Variants in PAPPA2 observed in about 807,000 individuals in gnomAD.
PAPPA2 encodes pappalysin 2.
In PAPPA2, 86 loss-of-function variants were observed where a neutral mutation model predicts 176.4. The ratio of observed to expected loss-of-function variants is 0.49; its 90% CI spans 0.41 to 0.58. The LOEUF is 0.58. PAPPA2 is among the 20% of genes least tolerant of loss of function. The probability of loss-of-function intolerance (pLI) is 0.00; values close to 1 mark genes in which losing one functional copy is unlikely to be tolerated. For synonymous variants in PAPPA2, 809 were observed against 852.2 expected (o/e 0.95, Z 0.88); for missense variants, 2,073 against 2,256.9 (o/e 0.92, Z 1.65).
At chr1:176,673,633 A>G (rs1659132646) in intron 4 of PAPPA2, among the ~76,000 whole-genome samples, 2 of 152,196 alleles carry the variant, frequency 1.3e-5, no homozygotes, top group Admixed American at 6.6e-5. Flanking sequence ...GCTGGGGCAT[A>G]CTATTGAATG....
At chr1:176,545,519 T>C (rs577088889) in intron 1 of PAPPA2, among the ~76,000 whole-genome samples, 1 of 152,210 alleles carries the variant, frequency 6.6e-6, no homozygotes, top group South Asian at 2.1e-4. Context: ...ATAATCAATA[T>C]AGTATAACAA....
intron 14 of PAPPA2, among the ~76,000 whole-genome samples, chr1:176,755,488 A>G (rs748847085): frequency 2.6e-5 from 4 of 152,152 alleles, no homozygotes; most frequent in African/African-American, 4.8e-5. Context: ...CTAACTCTTC[A>G]TGTTTCACAA....
intron 3 of PAPPA2, among the ~76,000 whole-genome samples, chr1:176,640,464 T>C (rs1465773433): frequency 6.6e-6 from 1 of 151,576 alleles, no homozygotes; most frequent in African/African-American, 2.4e-5. Context: ...GTTCTTGCGA[T>C]AGTTTACTGA....
chr1:176,676,116 C>A (rs985802750), intron 4 of PAPPA2, among the ~76,000 whole-genome samples: 3 of 152,004 alleles, frequency 2.0e-5, no homozygotes, highest in Non-Finnish European at 2.9e-5. Context: ...TGGGATCTCT[C>A]ATACATTGAT....
intron 1 of PAPPA2, among the ~76,000 whole-genome samples, chr1:176,546,661 T>C (rs1469172402): frequency 2.0e-5 from 3 of 152,214 alleles, no homozygotes; most frequent in East Asian, 1.9e-4. Flanking sequence ...GAAGCTGTAA[T>C]TGATGTCTCA....
chr1:176,527,589 C>T (rs1649567266), intron 1 of PAPPA2, among the ~76,000 whole-genome samples: 1 of 152,174 alleles, frequency 6.6e-6, no homozygotes, highest in Admixed American at 6.5e-5. Context: ...TGGTTAATAT[C>T]TCAGAAGAAT....
At chr1:176,601,889 T>C (rs1654344139) in intron 3 of PAPPA2, among the ~76,000 whole-genome samples, 1 of 152,226 alleles carries the variant, frequency 6.6e-6, no homozygotes, top group South Asian at 2.1e-4. Context: ...TCTTTGCTGC[T>C]GCACCTACTT....
intron 1 of PAPPA2, among the ~76,000 whole-genome samples, chr1:176,544,034 T>C (rs891015647): frequency 9.9e-5 from 15 of 152,178 alleles, no homozygotes; most frequent in African/African-American, 3.6e-4. Flanking sequence ...CATTTAAGTT[T>C]CTTAGGTTTG....
At chr1:176,761,023 G>A (rs543760568) in intron 14 of PAPPA2, among the ~76,000 whole-genome samples, 23 of 152,054 alleles carry the variant, frequency 1.5e-4, no homozygotes, top group South Asian at 2.1e-4. Flanking sequence ...GGGTTTCACC[G>A]TGTTAGCCAG....
intron 12 of PAPPA2, among the ~76,000 whole-genome samples, chr1:176,718,625 G>GTTTC (rs894014170): frequency 4.7e-5 from 7 of 150,324 alleles, no homozygotes; most frequent in African/African-American, 1.7e-4. Flanking sequence ...TTTTCATTGT[G>GTTTC]ATTTCTTTTT....
At chr1:176,649,111 A>C (rs1216736810) in intron 3 of PAPPA2, among the ~76,000 whole-genome samples, 2 of 151,316 alleles carry the variant, frequency 1.3e-5, no homozygotes, top group East Asian at 3.9e-4. Context: ...AAATCTCCTT[A>C]CTTGTTATTG....
intron 3 of PAPPA2, among the ~76,000 whole-genome samples, chr1:176,605,720 C>T (rs1227009098): frequency 6.6e-6 from 1 of 152,172 alleles, no homozygotes; most frequent in Non-Finnish European, 1.5e-5. Flanking sequence ...TCATAGGTTT[C>T]TGGCCAACCT....
chr1:176,823,057 C>T (rs912455828), intron 21 of PAPPA2, among the ~76,000 whole-genome samples: 4 of 152,184 alleles, frequency 2.6e-5, no homozygotes, highest in Admixed American at 6.5e-5. Flanking sequence ...ATTTCTCTTT[C>T]AAGTAACTAT....
chr1:176,669,106 G>A (rs554736141), intron 3 of PAPPA2, among the ~76,000 whole-genome samples: 2 of 152,248 alleles, frequency 1.3e-5, no homozygotes, highest in Non-Finnish European at 2.9e-5. Context: ...AGCCATGTCA[G>A]GAGCAGGGAG....
At chr1:176,789,706 CCCTG>C in intron 17 of PAPPA2, 99 bp from the exon 18 acceptor site, 1 of 1,299,962 alleles carries the variant, frequency 7.7e-7, no homozygotes, top group Non-Finnish European at 1.1e-6. Flanking sequence ...AACCATCTGT[CCCTG>C]CCTATTTGCT....
chr1:176,832,980 G>A (rs1047252003), intron 21 of PAPPA2, among the ~76,000 whole-genome samples: 1 of 152,088 alleles, frequency 6.6e-6, no homozygotes, highest in Non-Finnish European at 1.5e-5. Context: ...GGGTTACACA[G>A]GCCGTGGTTT....
intron 21 of PAPPA2, among the ~76,000 whole-genome samples, chr1:176,816,154 A>G (rs111789571): frequency 8.4e-3 from 160 of 18,952 alleles, no homozygotes; most frequent in African/African-American, 0.031. Flanking sequence ...TTCACAGTGT[A>G]TATATATATA....
chr1:176,531,519 T>C (rs1649806354), intron 1 of PAPPA2, among the ~76,000 whole-genome samples: 1 of 152,212 alleles, frequency 6.6e-6, no homozygotes, highest in South Asian at 2.1e-4. Context: ...GGATGTAGTA[T>C]TTGTCTGTTT....
At chr1:176,781,375 T>TA (rs1664713871) in intron 17 of PAPPA2, among the ~76,000 whole-genome samples, 2 of 127,696 alleles carry the variant, frequency 1.6e-5, no homozygotes, top group Admixed American at 1.6e-4. Context: ...CTTTTTTTTT[T>TA]TTTTTTTTTT....
Sources: allele counts gnomAD v4.1 joint callset (sites outside exome capture counted in the v4.1 genomes callset), GRCh38; gene constraint gnomAD v4.1.1; transcripts MANE v1.5; gene names NCBI Gene and HGNC (gene_info 2026-07-23, HGNC 2026-07-21).